Variants in PLA2G7 observed in about 807,000 individuals in gnomAD.
The protein encoded by PLA2G7 is platelet-activating factor acetylhydrolase.
A neutral mutation model predicts 49.6 loss-of-function variants in PLA2G7; 63 were observed. The observed-to-expected ratio is 1.27, with a 90% confidence interval of 1.04 to 1.57. The LOEUF is 1.57. PLA2G7 is among the 40% of genes most tolerant of loss of function. The pLI is 0.00. For synonymous variants in PLA2G7, 193 were observed against 169.9 expected (o/e 1.14, Z -1.06); for missense variants, 596 against 521.2 (o/e 1.14, Z -1.40).
chr6:46,722,696 G>A, intron 2 of PLA2G7, 87 bp downstream of exon 2: 1 of 775,168 alleles, frequency 1.3e-6, no homozygotes, highest in Non-Finnish European at 2.3e-6. Flanking sequence ...GACTTGTTTA[G>A]ATGTGCAGAT....
intron 3 of PLA2G7, 83 bp downstream of exon 3, chr6:46,716,892 G>C: frequency 7.2e-7 from 1 of 1,391,862 alleles, no homozygotes; most frequent in Non-Finnish European, 1.0e-6. Flanking sequence ...TGAGGGCAAG[G>C]TCACATTTGA....
intron 2 of PLA2G7, among the ~76,000 whole-genome samples, chr6:46,720,110 C>T (rs992497789): frequency 2.2e-4 from 33 of 152,290 alleles, no homozygotes; most frequent in African/African-American, 7.7e-4. Flanking sequence ...GGTGCTACTG[C>T]AACCCCACCC....
In PLA2G7 at chr6:46,722,790, T is replaced by G. The variant is rs904864721; in HGVS notation, c.102A>C (p.Lys34Asn). 6.3e-7 allele frequency: 1 copy of G among 1,592,284 alleles called. No individual in the cohort carries two copies. The highest frequency in any genetic ancestry group is 2.2e-5 in the East Asian group (1 of 44,766). The change falls in exon 2 of 12, where the codon AAA becomes AAC. Residue 34 changes from lysine (K) to asparagine (N), a missense_variant. Transcript: ENST00000274793. ...AACAAATACACCTCTTACCTGATGA[T>G]TTCATATGGGCAACAGGATTTATGT... ...WQYINPVAHMKSSAWVNKIQV... is the reference protein window; with the variant it reads ...WQYINPVAHMNSSAWVNKIQV...
At chr6:46,720,351 G>T (rs1765355004) in intron 2 of PLA2G7, among the ~76,000 whole-genome samples, 1 of 152,236 alleles carries the variant, frequency 6.6e-6, no homozygotes, top group African/African-American at 2.4e-5. Context: ...TGCCCTGGTT[G>T]TCCAACACCT....
At chr6:46,710,997 A>C (rs1333414619) in intron 7 of PLA2G7, among the ~76,000 whole-genome samples, 1 of 152,186 alleles carries the variant, frequency 6.6e-6, no homozygotes, top group Non-Finnish European at 1.5e-5. Context: ...TATAAAGAGG[A>C]AGCCAATATG....
In PLA2G7 at chr6:46,714,560, A is replaced by G. The variant is rs1358291697; in HGVS notation, c.377-7T>C. 1.3e-6 allele frequency: 2 copies of G among 1,534,142 alleles called. No individual in the cohort carries two copies. The highest frequency in any genetic ancestry group is 1.4e-5 in the African/African-American group (1 of 73,248). The stretch of plus-strand genomic sequence containing the variant: ...GCAGGAGTTGTCATTGAACCTAGAC[A>G]ACAATGGAAGGTTATAGTTAAGGTT... On this transcript the variant is annotated splice_polypyrimidine_tract_variant and splice_region_variant and intron_variant, in intron 4 of 11. Coordinates refer to ENST00000274793, the MANE Select transcript of PLA2G7 (RefSeq NM_005084.4).
In PLA2G7 at chr6:46,704,729, A is replaced by C. The variant is rs374743089; in HGVS notation, c.1190-33T>G. 10 of 1,373,016 alleles carry C rather than the reference A, an allele frequency of 7.3e-6. No individual in the cohort carries two copies. In the African/African-American group the frequency reaches 1.4e-4, roughly 19 times the overall value. 85.1% of individuals were successfully genotyped at this position (1,373,016 alleles called of 1,614,324 possible). Reference sequence around the variant, plus strand: ...ATATAAAGTGTTAATCAACATATTAAACTTTTGAGAGCATTAAACAGTTTG... The same window carrying C: ...ATATAAAGTGTTAATCAACATATTACACTTTTGAGAGCATTAAACAGTTTG... On this transcript the variant is annotated intron_variant, in intron 11 of 11. Coordinates refer to ENST00000274793, the MANE Select transcript of PLA2G7 (RefSeq NM_005084.4).
intron 1 of PLA2G7, among the ~76,000 whole-genome samples, chr6:46,732,787 G>A (rs1283902885): frequency 6.6e-6 from 1 of 152,196 alleles, no homozygotes; most frequent in African/African-American, 2.4e-5. Context: ...CACATAATGT[G>A]TCTAACAGGT....
intron 1 of PLA2G7, among the ~76,000 whole-genome samples, chr6:46,733,726 C>T (rs1033234949): frequency 3.3e-5 from 5 of 152,198 alleles, no homozygotes; most frequent in African/African-American, 1.2e-4. Flanking sequence ...ACCAGTGCCT[C>T]GTGACCAGAA....
rs1033071036 is a variant in PLA2G7, at chr6:46,717,109, T to C, written c.110-13A>G. 1.2e-6 allele frequency: 2 copies of C among 1,609,988 alleles called. No individual in the cohort carries two copies. Among genetic ancestry groups the C allele is most frequent in the Admixed American group, 1.7e-5 (1 of 60,024 alleles). ...TTGTTGACCCATGCTGAAAAACAGG[T>C]AAATATTATCTCATTTGTCATCCAT... On this transcript the variant is annotated splice_polypyrimidine_tract_variant and intron_variant, in intron 2 of 11. Coordinates refer to ENST00000274793, the MANE Select transcript of PLA2G7 (RefSeq NM_005084.4).
chr6:46,718,249 A>G (rs1765281095), intron 2 of PLA2G7, among the ~76,000 whole-genome samples: 1 of 152,204 alleles, frequency 6.6e-6, no homozygotes, highest in Non-Finnish European at 1.5e-5. Flanking sequence ...AAAATCCTTC[A>G]ATGCCTCCCT....
chr6:46,722,991 A>G (rs944707157), intron 1 of PLA2G7, 66 bp from the exon 2 acceptor site: 13 of 728,762 alleles, frequency 1.8e-5, no homozygotes, highest in African/African-American at 7.0e-5. Flanking sequence ...AAGCTGACAA[A>G]TCAAGAAAGG....
intron 10 of PLA2G7, among the ~76,000 whole-genome samples, chr6:46,706,491 G>A (rs1412468240): frequency 6.6e-6 from 1 of 152,198 alleles, no homozygotes; most frequent in Non-Finnish European, 1.5e-5. Context: ...AGTAGCCAAG[G>A]GAGCAGGAAG....
chr6:46,722,752 G>T, intron 2 of PLA2G7, 31 bp downstream of exon 2: 1 of 1,323,424 alleles, frequency 7.6e-7, no homozygotes, highest in South Asian at 1.2e-5. Flanking sequence ...CAGATCAGTT[G>T]CTCAAGACCT....
chr6:46,714,584 T>A (rs1190910099), intron 4 of PLA2G7, 31 bp from the exon 5 acceptor site: 8 of 1,302,850 alleles, frequency 6.1e-6, no homozygotes, highest in Non-Finnish European at 8.9e-6. Flanking sequence ...ATAGTTAAGG[T>A]TTTCTCTGAG....
intron 1 of PLA2G7, among the ~76,000 whole-genome samples, chr6:46,727,129 C>A (rs897110393): frequency 6.6e-6 from 1 of 152,166 alleles, no homozygotes; most frequent in Non-Finnish European, 1.5e-5. Flanking sequence ...CTCTCTCCTG[C>A]AGACTTCATT....
intron 4 of PLA2G7, among the ~76,000 whole-genome samples, chr6:46,715,364 G>A (rs1296817590): frequency 6.6e-6 from 1 of 152,102 alleles, no homozygotes; most frequent in Non-Finnish European, 1.5e-5. Flanking sequence ...ATGGATCTTG[G>A]GCAAGTTCCT....
chr6:46,710,513 G>A (rs1582565912), intron 8 of PLA2G7, 32 bp downstream of exon 8: 1 of 1,304,722 alleles, frequency 7.7e-7, no homozygotes, highest in Admixed American at 1.7e-5. Flanking sequence ...AAGAACTGTA[G>A]GACAAGAGAA....
chr6:46,711,445 T>C, intron 7 of PLA2G7, 51 bp downstream of exon 7: 2 of 1,604,960 alleles, frequency 1.2e-6, no homozygotes, highest in Non-Finnish European at 1.7e-6. Context: ...ATGTCATCCT[T>C]TTGTACATGC....
Sources: allele counts gnomAD v4.1 joint callset (sites outside exome capture counted in the v4.1 genomes callset), GRCh38; gene constraint gnomAD v4.1.1; transcripts MANE v1.5; gene names NCBI Gene and HGNC (gene_info 2026-07-23, HGNC 2026-07-21).